NALCN: variants seen among roughly 807,000 people sequenced by gnomAD.
NALCN encodes sodium leak channel NALCN.
A neutral mutation model predicts 225.3 loss-of-function variants in NALCN; 111 were observed. The ratio of observed to expected loss-of-function variants is 0.49; its 90% CI spans 0.42 to 0.58. NALCN has a LOEUF of 0.58. Among genes scored for constraint, NALCN ranks in the 20% least tolerant of loss-of-function variants. The pLI is 0.00. For synonymous variants in NALCN, 764 were observed against 769.0 expected (o/e 0.99, Z 0.11); for missense variants, 1,378 against 2,202.4 (o/e 0.63, Z 7.49).
intron 11 of NALCN, among the ~76,000 whole-genome samples, chr13:101,257,211 T>TTTG (rs935576090): frequency 7.2e-5 from 6 of 83,348 alleles, no homozygotes; most frequent in Non-Finnish European, 2.0e-4. Flanking sequence ...TGTTTATTGT[T>TTTG]TTTTTTTTTT....
intron 37 of NALCN, among the ~76,000 whole-genome samples, chr13:101,070,180 C>T (rs1035628904): frequency 6.7e-6 from 1 of 150,196 alleles, no homozygotes; most frequent in African/African-American, 2.4e-5. Flanking sequence ...CATTCTCCTG[C>T]CTCAGCCTCC....
chr13:101,143,275 GAC>G (rs1321765830), intron 16 of NALCN, 54 bp from the exon 17 acceptor site: 2 of 1,519,150 alleles, frequency 1.3e-6, no homozygotes, highest in Admixed American at 4.3e-5. Flanking sequence ...GGGAGCAAGT[GAC>G]AGCATTTTGC....
intron 13 of NALCN, among the ~76,000 whole-genome samples, chr13:101,225,044 G>A (rs868173429): frequency 3.9e-5 from 6 of 152,092 alleles, no homozygotes; most frequent in Non-Finnish European, 5.9e-5. Flanking sequence ...CCTAACTTGC[G>A]CTGCCCCTGG....
intron 7 of NALCN, among the ~76,000 whole-genome samples, chr13:101,310,540 C>A (rs144135157): frequency 6.8e-4 from 103 of 152,232 alleles, no homozygotes; most frequent in African/African-American, 2.3e-3. Context: ...AACTGCAATT[C>A]CTGCTCACAC....
intron 13 of NALCN, among the ~76,000 whole-genome samples, chr13:101,206,985 T>C (rs1029340450): frequency 1.3e-5 from 2 of 152,132 alleles, no homozygotes; most frequent in African/African-American, 4.8e-5. Flanking sequence ...CAAAATTTAC[T>C]TAGTCATTCT....
intron 14 of NALCN, among the ~76,000 whole-genome samples, chr13:101,187,558 T>A (rs7982751): frequency 0.14 from 21,047 of 152,150 alleles, 2,120 homozygotes; most frequent in African/African-American, 0.28. Flanking sequence ...AAGACAAATT[T>A]GTTTTTAGGA....
intron 20 of NALCN, among the ~76,000 whole-genome samples, chr13:101,109,120 T>A (rs1056051839): frequency 6.6e-6 from 1 of 152,204 alleles, no homozygotes; most frequent in African/African-American, 2.4e-5. Context: ...TACATTTCGG[T>A]TGAAACATAT....
intron 39 of NALCN, among the ~76,000 whole-genome samples, chr13:101,067,337 AGAGGGGGTAGAG>A: frequency 3.3e-5 from 1 of 30,218 alleles, no homozygotes; most frequent in Middle Eastern, 0.024. Context: ...AGGGGGAAGA[AGAGGGGGTAGAG>A]GAGGAGGAGT....
At chr13:101,143,797 C>CT (rs1228001225) in intron 16 of NALCN, among the ~76,000 whole-genome samples, 1 of 152,068 alleles carries the variant, frequency 6.6e-6, no homozygotes, top group Non-Finnish European at 1.5e-5. Context: ...TAATAAAACA[C>CT]TTTTTTTCCC....
chr13:101,143,206 C>T lies in NALCN; in HGVS notation c.1992G>A (p.Lys664=). 1 of 1,608,660 alleles carries T rather than the reference C, an allele frequency of 6.2e-7. No individual in the cohort carries two copies. Among genetic ancestry groups the T allele is most frequent in the Non-Finnish European group, 8.5e-7 (1 of 1,177,270 alleles). Reference sequence around the variant, plus strand: ...CCTGTTGCTGGCGGTCAATAAACTGCTTCATAAAACTCTCCCTTTGCAAAT... The same window carrying T: ...CCTGTTGCTGGCGGTCAATAAACTGTTTCATAAAACTCTCCCTTTGCAAAT... The part of the protein sequence containing the change: ...TVPKIRESFM[K]QFIDRQQQDT... The change falls in exon 17 of 44, where the codon AAG becomes AAA. Residue 664 remains lysine, a synonymous_variant. Coordinates refer to ENST00000251127, the MANE Select transcript of NALCN (RefSeq NM_052867.4).
chr13:101,365,609 C>T (rs2046358761), intron 6 of NALCN, among the ~76,000 whole-genome samples: 1 of 152,090 alleles, frequency 6.6e-6, no homozygotes, highest in Non-Finnish European at 1.5e-5. Flanking sequence ...TCTAATTCAA[C>T]TCTTGGTGAT....
intron 13 of NALCN, among the ~76,000 whole-genome samples, chr13:101,193,063 T>C (rs187277467): frequency 4.6e-5 from 7 of 151,070 alleles, no homozygotes; most frequent in African/African-American, 1.5e-4. Context: ...GACCTAAAGA[T>C]AGACCTAATC....
Position 101,395,187 on chromosome 13 carries a change from A to C in NALCN, c.287T>G (p.Val96Gly). 1 of 1,612,406 alleles carries C rather than the reference A, an allele frequency of 6.2e-7. No homozygotes were observed. The highest frequency in any genetic ancestry group is 8.5e-7 in the Non-Finnish European group (1 of 1,179,162). Residue 96 changes from valine to glycine, a missense_variant, in exon 3 of 44, where the codon GTC becomes GGC. Around this residue, in one of 19 missense-constraint regions of NALCN, gnomAD observed 146 missense variants for 205.9 expected, o/e 0.71. Transcript: ENST00000251127. ...AAATGACATGGAAGTGCTCACCTTG[A>C]CAATGCCCCGGATGTGCATTTTTGC... Reference protein sequence around the residue: ...MIAKMHIRGIVKGDSSYVKDR... With the variant: ...MIAKMHIRGIGKGDSSYVKDR...
At chr13:101,118,227 A>T (rs746093859) in intron 18 of NALCN, among the ~76,000 whole-genome samples, 41 of 152,034 alleles carry the variant, frequency 2.7e-4, no homozygotes, top group Non-Finnish European at 5.1e-4. Context: ...TTTGCCGCAA[A>T]CCTAAAACTG....
chr13:101,069,877 T>G (rs1159714770), intron 37 of NALCN, among the ~76,000 whole-genome samples: 1 of 152,096 alleles, frequency 6.6e-6, no homozygotes, highest in Admixed American at 6.6e-5. Flanking sequence ...CTGCAGCAAT[T>G]CAGTCGCGTC....
intron 15 of NALCN, among the ~76,000 whole-genome samples, chr13:101,173,137 T>C (rs945306412): frequency 5.9e-5 from 9 of 152,132 alleles, no homozygotes; most frequent in African/African-American, 1.9e-4. Flanking sequence ...ATCCTCTGAG[T>C]TTTGAGAGGA....
In NALCN at chr13:101,089,937, T is replaced by C. The variant is rs1469680367; in HGVS notation, c.3299A>G (p.Asn1100Ser). The change falls in exon 29 of 44, where the codon AAT becomes AGT. Residue 1100 changes from asparagine to serine, a missense_variant. By Grantham distance (46) the Asn-to-Ser change is conservative. Coordinates refer to ENST00000251127, the MANE Select transcript of NALCN (RefSeq NM_052867.4). The surrounding 1 kb of genome is among the most constrained non-coding windows in gnomAD (Gnocchi z 4.7). ...WANPRNFNFD[N>S]VGNAMLALFE... is the part of the protein sequence containing the mutation. ...CAACGCCAGCATAGCGTTTCCCACA[T>C]TGTCGAAATTAAAGTTCCGAGGATT... The C allele has an allele frequency of 6.2e-7, 1 of 1,614,008 alleles. No individual in the cohort carries two copies. Among genetic ancestry groups the C allele is most frequent in the Non-Finnish European group, 8.5e-7 (1 of 1,179,886 alleles).
chr13:101,297,354 G>A (rs544602902), intron 7 of NALCN, among the ~76,000 whole-genome samples: 1 of 152,340 alleles, frequency 6.6e-6, no homozygotes, highest in South Asian at 2.1e-4. Context: ...ATAAGAATGA[G>A]TCAGTACCCA....
At position 101,384,707 on chromosome 13, in the gene NALCN, A is replaced by G. The variant is rs147626845; in HGVS notation, c.292-6054T>C. 2.6e-3 allele frequency among the ~76,000 whole-genome samples: 395 copies of G among 152,322 alleles called. 1 individual carries two copies. The highest frequency in any genetic ancestry group is 8.8e-3 in the African/African-American group (364 of 41,574). ...TCTGCAATGCATGAAGTGCTCTGCAACAACACAGACATGTATCATCCAAAT... is the reference window on the plus strand; with the variant it reads ...TCTGCAATGCATGAAGTGCTCTGCAGCAACACAGACATGTATCATCCAAAT... On this transcript the variant is annotated intron_variant, in intron 3 of 43. Coordinates refer to ENST00000251127, the MANE Select transcript of NALCN (RefSeq NM_052867.4).
Sources: gnomAD v4.1 joint callset for allele counts (sites outside exome capture counted in the v4.1 genomes callset) on GRCh38, gnomAD v4.1.1 for gene constraint, gnomAD v4.1.1 regional missense constraint, Gnocchi (gnomAD v3.1) non-coding constraint, MANE v1.5 for transcripts, NCBI Gene and HGNC (gene_info 2026-07-23, HGNC 2026-07-21) for gene names.